The following PTPRN2 variants were observed in gnomAD, a reference collection of about 807,000 sequenced individuals.
The protein encoded by PTPRN2 is protein tyrosine phosphatase receptor type N2.
A neutral mutation model predicts 118.8 loss-of-function variants in PTPRN2; 74 were observed. The observed-to-expected ratio is 0.62, with a 90% CI of 0.52 to 0.76. PTPRN2 has a LOEUF of 0.76. PTPRN2 is among the 30% of genes least tolerant of loss of function. The pLI is 0.00. For missense variants in PTPRN2, 1,481 were observed against 1,394.4 expected, an observed-to-expected ratio of 1.06 and a Z score of -0.99; for synonymous variants, 641 against 608.0, an observed-to-expected ratio of 1.05 and a Z score of -0.80.
chr7:158,506,666 C>T (rs1452678959), intron 1 of PTPRN2, among the ~76,000 whole-genome samples: 3 of 151,958 alleles, frequency 2.0e-5, no homozygotes, highest in East Asian at 2.0e-4. Flanking sequence ...GTGACAGCCA[C>T]GGAGGAGTGT....
intron 12 of PTPRN2, among the ~76,000 whole-genome samples, chr7:157,747,939 G>T (rs1361466759): frequency 6.9e-6 from 1 of 145,074 alleles, no homozygotes; most frequent in Non-Finnish European, 1.5e-5. Flanking sequence ...GCGATTGTGA[G>T]GCCTGTGTCC....
intron 1 of PTPRN2, among the ~76,000 whole-genome samples, chr7:158,503,474 C>T (rs949659129): frequency 1.5e-4 from 23 of 152,322 alleles, no homozygotes; most frequent in African/African-American, 4.3e-4. Flanking sequence ...CTTCCTCCCC[C>T]GGCCTGTCTC....
At chr7:157,738,900 G>A (rs1336450439) in intron 12 of PTPRN2, 1 of 152,244 alleles carries the variant, frequency 6.6e-6, no homozygotes, top group East Asian at 1.9e-4. Context: ...TGGTTTGGAG[G>A]AAGATGGAAA....
chr7:158,343,485 C>T (rs1270640567), intron 2 of PTPRN2, among the ~76,000 whole-genome samples: 4 of 152,188 alleles, frequency 2.6e-5, no homozygotes, highest in Non-Finnish European at 2.9e-5. Flanking sequence ...ATGCAGTCGC[C>T]GTGGAAAGCA....
chr7:157,790,021 T>TGTGTGTGGG (rs140751500), intron 12 of PTPRN2, among the ~76,000 whole-genome samples: 1 of 4,056 alleles, frequency 2.5e-4, no homozygotes, highest in East Asian at 7.7e-3. Flanking sequence ...GTGGTGTGAA[T>TGTGTGTGGG]GTGTGTGTGG....
chr7:158,521,065 C>T (rs1470743173), intron 1 of PTPRN2, among the ~76,000 whole-genome samples: 3 of 152,262 alleles, frequency 2.0e-5, no homozygotes, highest in African/African-American at 7.2e-5. Context: ...TGACTTCCCT[C>T]TGTGCGAGGC....
At chr7:158,242,638 T>G (rs77894114) in intron 3 of PTPRN2, among the ~76,000 whole-genome samples, 5,262 of 152,304 alleles carry the variant, frequency 0.035, 125 homozygotes, top group East Asian at 0.11. Flanking sequence ...TCTGGTAGGA[T>G]TCAGCAATGA....
chr7:158,428,649 GACC>G (rs2129427667), intron 2 of PTPRN2, among the ~76,000 whole-genome samples: 1 of 152,226 alleles, frequency 6.6e-6, no homozygotes, highest in Admixed American at 6.5e-5. Context: ...ACCATTACTC[GACC>G]AGGCCTCTGT....
chr7:158,577,608 C>G (rs1212548453), intron 1 of PTPRN2, among the ~76,000 whole-genome samples: 1 of 152,286 alleles, frequency 6.6e-6, no homozygotes, highest in Admixed American at 6.5e-5. Flanking sequence ...CTGTGGGCTC[C>G]TAAGAAAGCC....
chr7:158,120,257 G>A (rs1343032547), intron 9 of PTPRN2, among the ~76,000 whole-genome samples: 1 of 152,156 alleles, frequency 6.6e-6, no homozygotes, highest in Non-Finnish European at 1.5e-5. Flanking sequence ...CTCTGGGGAT[G>A]GACAGCGGTG....
At chr7:158,340,482 A>C (rs62481709) in intron 2 of PTPRN2, among the ~76,000 whole-genome samples, 1 of 60,572 alleles carries the variant, frequency 1.7e-5, no homozygotes, top group Admixed American at 2.1e-4. Flanking sequence ...CACTCTCACC[A>C]TAATAGGTGA....
intron 3 of PTPRN2, among the ~76,000 whole-genome samples, chr7:158,292,443 A>G (rs1049529495): frequency 6.6e-6 from 1 of 152,244 alleles, no homozygotes; most frequent in Admixed American, 6.5e-5. Context: ...TTGCATCAGA[A>G]AAGAAAATGC....
chr7:157,754,622 G>A (rs1045384744), intron 12 of PTPRN2, among the ~76,000 whole-genome samples: 1 of 152,212 alleles, frequency 6.6e-6, no homozygotes, highest in African/African-American at 2.4e-5. Context: ...CCGAGGCTCC[G>A]GCTGGAAAGG....
At chr7:158,348,611 C>T (rs1228144918) in intron 2 of PTPRN2, among the ~76,000 whole-genome samples, 1 of 152,200 alleles carries the variant, frequency 6.6e-6, no homozygotes, top group Non-Finnish European at 1.5e-5. Context: ...GGCCAGGCCC[C>T]CAACACCTGA....
intron 2 of PTPRN2, among the ~76,000 whole-genome samples, chr7:158,330,769 C>T (rs1208870927): frequency 1.9e-4 from 21 of 111,104 alleles, no homozygotes; most frequent in South Asian, 3.6e-4. Flanking sequence ...TAAGAGCTGA[C>T]ACCCGCAGAC....
At chr7:158,458,620 C>T (rs1818717656) in intron 2 of PTPRN2, among the ~76,000 whole-genome samples, 1 of 152,184 alleles carries the variant, frequency 6.6e-6, no homozygotes, top group African/African-American at 2.4e-5. Context: ...TCCCAACAGC[C>T]CTGCAGAGCC....
intron 11 of PTPRN2, among the ~76,000 whole-genome samples, chr7:157,947,428 C>T (rs1393353857): frequency 6.6e-6 from 1 of 152,190 alleles, no homozygotes; most frequent in Non-Finnish European, 1.5e-5. Flanking sequence ...TATTATTCCC[C>T]ATTCCCCAGT....
intron 6 of PTPRN2, among the ~76,000 whole-genome samples, chr7:158,146,728 A>AC (rs1478161078): frequency 6.6e-6 from 1 of 151,576 alleles, no homozygotes; most frequent in Non-Finnish European, 1.5e-5. Flanking sequence ...CTCAAAAAAA[A>AC]AAAAAAAGAA....
At chr7:158,066,494 G>T (rs1205138348) in intron 11 of PTPRN2, among the ~76,000 whole-genome samples, 3 of 152,150 alleles carry the variant, frequency 2.0e-5, no homozygotes, top group Non-Finnish European at 2.9e-5. Context: ...AGTATGGAAG[G>T]GCTCTGAGTG....
Sources: allele counts gnomAD v4.1 joint callset (sites outside exome capture counted in the v4.1 genomes callset), GRCh38; gene constraint gnomAD v4.1.1; transcripts MANE v1.5; gene names NCBI Gene and HGNC (gene_info 2026-07-23, HGNC 2026-07-21).